Variants in PGP observed in about 807,000 individuals in gnomAD.
The protein encoded by PGP is phosphoglycolate phosphatase.
In PGP, 9 loss-of-function variants were observed where a neutral mutation model predicts 19.3. The ratio of observed to expected loss-of-function variants is 0.47; its 90% CI spans 0.28 to 0.81. The LOEUF (loss-of-function observed/expected upper bound fraction) is 0.81, where lower values mean the gene tolerates loss of function less well. PGP is among the 40% of genes least tolerant of loss of function. The pLI is 0.11. For synonymous variants in PGP, 308 were observed against 226.8 expected, an observed-to-expected ratio of 1.36 and a Z score of -3.22; for missense variants, 403 against 479.9, an observed-to-expected ratio of 0.84 and a Z score of 1.50.
Position 2,213,164 on chromosome 16 carries a change from G to A in PGP, c.*564C>T, listed in dbSNP as rs568731069. On this transcript the variant is annotated 3_prime_UTR_variant, in exon 2 of 2. Transcript: ENST00000333503. The stretch of plus-strand genomic sequence containing the variant: ...GAAGTAAGGGAGGTGGGAGAGTGGT[G>A]AGGGCAGCACTTTGCACCCAAGGGC... 23 of 985,512 alleles carry A rather than the reference G, an allele frequency of 2.3e-5. No individual in the cohort carries two copies. The South Asian group carries it at 8.9e-4, about 38-fold the overall frequency. 61.0% of individuals were successfully genotyped at this position (985,512 alleles called of 1,614,324 possible). A position where few individuals can be genotyped will look rare whatever the true frequency, so the allele number is the denominator to read the frequency against.
Position 2,214,670 on chromosome 16 carries a change from G to A in PGP, c.108C>T (p.Asp36=), listed in dbSNP as rs1454248973. Residue 36 remains aspartate, a synonymous_variant, in exon 1 of 2, where the codon GAC becomes GAT. Coordinates refer to ENST00000333503, the MANE Select transcript of PGP (RefSeq NM_001042371.3). This position sits in a 1 kb window ranked among gnomAD's most constrained non-coding sequence, Gnocchi z 7.1. ...CGGTCTCCCCGCGCCACAGCACGCC[G>A]TCGCAGTCGAACAGCAGCGTGTCCA... ...ADVDTLLFDC[D]GVLWRGETAV... is the part of the protein sequence containing the mutation. 1.8e-5 allele frequency: 26 copies of A among 1,439,820 alleles called. No individual in the cohort carries two copies. The highest frequency in any genetic ancestry group is 2.2e-5 in the Non-Finnish European group (24 of 1,097,514). 89.2% of individuals were successfully genotyped at this position (1,439,820 alleles called of 1,614,324 possible). A position where few individuals can be genotyped will look rare whatever the true frequency, so the allele number is the denominator to read the frequency against.
rs2093383162 is a variant in PGP, at chr16:2,214,545, G to A, written c.233C>T (p.Ala78Val). The A allele has an allele frequency of 6.9e-7, 1 of 1,458,614 alleles. No homozygotes were observed. Among genetic ancestry groups the A allele is most frequent in the Non-Finnish European group, 9.0e-7 (1 of 1,108,388 alleles). 90.4% of individuals were successfully genotyped at this position (1,458,614 alleles called of 1,614,324 possible). Residue 78 changes from alanine (A) to valine (V), a missense_variant, in exon 1 of 2, where the codon GCC (alanine) becomes GTC (valine). Transcript: ENST00000333503. This position sits in a 1 kb window ranked among gnomAD's most constrained non-coding sequence, Gnocchi z 7.1. ...NNSSKTRAAYAEKLRRLGFGG... is the reference protein window; with the variant it reads ...NNSSKTRAAYVEKLRRLGFGG... ...GAAGCCCAGGCGCCGCAGCTTCTCGGCGTAGGCAGCGCGGGTCTTGCTGCT... is the reference window on the plus strand; with the variant it reads ...GAAGCCCAGGCGCCGCAGCTTCTCGACGTAGGCAGCGCGGGTCTTGCTGCT...
chr16:2,213,203 C>G lies in PGP; in HGVS notation c.*525G>C, dbSNP rs1213037660. 1 of 985,546 alleles carries G rather than the reference C, an allele frequency of 1.0e-6. No individual in the cohort carries two copies. Among genetic ancestry groups the G allele is most frequent in the Non-Finnish European group, 1.2e-6 (1 of 830,048 alleles). The allele number at this position is 985,546 out of a possible 1,614,324, so 61.1% of individuals were successfully genotyped here. The stretch of plus-strand genomic sequence containing the variant: ...GCACCCAAGGGCAGGGAGATGCCAC[C>G]TGGGAGCAGCCGCCTCCTCCACTCC... On this transcript the variant is annotated 3_prime_UTR_variant, in exon 2 of 2. Transcript: ENST00000333503.
rs2093377083 is a variant in PGP at position 2,212,193 on chromosome 16, T to C, written c.*1535A>G. The C allele has an allele frequency of 1.0e-6, 1 of 985,768 alleles. No homozygotes were observed. The highest frequency in any genetic ancestry group is 4.7e-5 in the South Asian group (1 of 21,298). 61.1% of individuals were successfully genotyped at this position (985,768 alleles called of 1,614,324 possible). A position where few individuals can be genotyped will look rare whatever the true frequency, so the allele number is the denominator to read the frequency against. The stretch of plus-strand genomic sequence containing the variant: ...TTGAGCCAACTTAGCCAAGCCAGCG[T>C]CAGTGTCACCAGCCTCATGGGTGGA... On this transcript the variant is annotated 3_prime_UTR_variant, in exon 2 of 2. Coordinates refer to ENST00000333503, the MANE Select transcript of PGP (RefSeq NM_001042371.3).
chr16:2,213,428 C>T lies in PGP; in HGVS notation c.*300G>A. ...GACCCGCCTCAGTCCCATCGGCAGGCCCTGGTTACCTGAATCCCGGACAGG... is the reference window on the plus strand; with the variant it reads ...GACCCGCCTCAGTCCCATCGGCAGGTCCTGGTTACCTGAATCCCGGACAGG... On this transcript the variant is annotated 3_prime_UTR_variant, in exon 2 of 2. Coordinates refer to ENST00000333503, the MANE Select transcript of PGP (RefSeq NM_001042371.3). 2 of 944,768 alleles carry T rather than the reference C, an allele frequency of 2.1e-6. No individual in the cohort carries two copies. The highest frequency in any genetic ancestry group is 1.2e-4 in the East Asian group (2 of 17,294). 58.5% of individuals were successfully genotyped at this position (944,768 alleles called of 1,614,324 possible).
rs1180199958 is a variant in PGP at position 2,214,782 on chromosome 16, G to T, written c.-5C>A. On this transcript the variant is annotated 5_prime_UTR_variant, in exon 1 of 2. Transcript: ENST00000333503. This position sits in a 1 kb window ranked among gnomAD's most constrained non-coding sequence, Gnocchi z 7.1. ...ACCGGCCTCCGCCGCCGCCATCGCCGCCCGCCGGCCGCCGCCGCCCGCCGG... is the reference window on the plus strand; with the variant it reads ...ACCGGCCTCCGCCGCCGCCATCGCCTCCCGCCGGCCGCCGCCGCCCGCCGG... The T allele has an allele frequency of 3.1e-6, 3 of 966,412 alleles. No individual in the cohort carries two copies. The highest frequency in any genetic ancestry group is 9.8e-5 in the East Asian group (1 of 10,202). 59.9% of individuals were successfully genotyped at this position (966,412 alleles called of 1,614,324 possible).
rs1424593644 is a variant in PGP, at chr16:2,214,330, C to T, written c.448G>A (p.Gly150Ser). 6.5e-7 allele frequency: 1 copy of T among 1,534,326 alleles called. No homozygotes were observed. The highest frequency in any genetic ancestry group is 1.4e-5 in the African/African-American group (1 of 72,824). The change falls in exon 1 of 2, where the codon GGC becomes AGC. Residue 150 changes from glycine to serine, a missense_variant. Coordinates refer to ENST00000333503, the MANE Select transcript of PGP (RefSeq NM_001042371.3). The surrounding 1 kb of genome is among the most constrained non-coding windows in gnomAD (Gnocchi z 7.1). ...SVGVGPEPLQGEGPGDWLHAP... is the reference protein window; with the variant it reads ...SVGVGPEPLQSEGPGDWLHAP... Reference sequence around the variant, plus strand: ...TGCAGCCAGTCGCCGGGACCCTCGCCCTGCAGTGGCTCGGGCCCCACGCCC... The same window carrying T: ...TGCAGCCAGTCGCCGGGACCCTCGCTCTGCAGTGGCTCGGGCCCCACGCCC...
chr16:2,213,010 T>C lies in PGP; in HGVS notation c.*718A>G. 1 of 985,536 alleles carries C rather than the reference T, an allele frequency of 1.0e-6. No individual in the cohort carries two copies. The highest frequency in any genetic ancestry group is 4.7e-5 in the South Asian group (1 of 21,294). The allele number at this position is 985,536 out of a possible 1,614,324, so 61.0% of individuals were successfully genotyped here. On this transcript the variant is annotated 3_prime_UTR_variant, in exon 2 of 2. Coordinates refer to ENST00000333503, the MANE Select transcript of PGP (RefSeq NM_001042371.3). ...CGCCATGGTAGCTGCTCCGTCCAAA[T>C]CACCTGGGTATAAATGCACACTTGA...
rs2093380197 is a variant in PGP at position 2,213,366 on chromosome 16, A to G, written c.*362T>C. On this transcript the variant is annotated 3_prime_UTR_variant, in exon 2 of 2. Coordinates refer to ENST00000333503, the MANE Select transcript of PGP (RefSeq NM_001042371.3). ...GCCCCCTGAGGGGCTGGATCCCTGA[A>G]TGAGTTTTTCAATAAAATACAGGAC... 2.2e-5 allele frequency: 22 copies of G among 1,000,536 alleles called. No homozygotes were observed. Among genetic ancestry groups the G allele is most frequent in the Non-Finnish European group, 2.5e-5 (21 of 839,904 alleles). The allele number at this position is 1,000,536 out of a possible 1,614,324, so 62.0% of individuals were successfully genotyped here. A position where few individuals can be genotyped will look rare whatever the true frequency, so the allele number is the denominator to read the frequency against.
chr16:2,214,809 C>G lies in PGP; in HGVS notation c.-32G>C, dbSNP rs961130263. On this transcript the variant is annotated 5_prime_UTR_variant, in exon 1 of 2. Transcript: ENST00000333503. This position sits in a 1 kb window ranked among gnomAD's most constrained non-coding sequence, Gnocchi z 7.1. ...CCGCCGGCCGCCGCCGCCCGCCGGCCGCTCCTCGCAGCCGCCCGCCGCGGC... is the reference window on the plus strand; with the variant it reads ...CCGCCGGCCGCCGCCGCCCGCCGGCGGCTCCTCGCAGCCGCCCGCCGCGGC... The G allele has an allele frequency of 1.2e-6, 1 of 822,204 alleles. No homozygotes were observed. Among genetic ancestry groups the G allele is most frequent in the African/African-American group, 1.9e-5 (1 of 53,604 alleles). 50.9% of individuals were successfully genotyped at this position (822,204 alleles called of 1,614,324 possible). A position where few individuals can be genotyped will look rare whatever the true frequency, so the allele number is the denominator to read the frequency against.
At position 2,214,490 on chromosome 16, in the gene PGP, C is replaced by A; in HGVS notation, c.288G>T (p.Leu96=). 1.4e-6 allele frequency: 2 copies of A among 1,405,636 alleles called. No individual in the cohort carries two copies. The highest frequency in any genetic ancestry group is 1.8e-6 in the Non-Finnish European group (2 of 1,085,264). 87.1% of individuals were successfully genotyped at this position (1,405,636 alleles called of 1,614,324 possible). A position where few individuals can be genotyped will look rare whatever the true frequency, so the allele number is the denominator to read the frequency against. Residue 96 remains leucine (L), a synonymous_variant, in exon 1 of 2, where the codon CTG becomes CTT. Transcript: ENST00000333503. The surrounding 1 kb of genome is among the most constrained non-coding windows in gnomAD (Gnocchi z 7.1). ...TGCAGTAGGCCGTGCCGAAGACCTCCAGGCTGGCGCCGGGCCCCGCGGGGC... is the reference window on the plus strand; with the variant it reads ...TGCAGTAGGCCGTGCCGAAGACCTCAAGGCTGGCGCCGGGCCCCGCGGGGC... The part of the protein sequence containing the change: ...FGGPAGPGAS[L]EVFGTAYCTA...
rs1183359975 is a variant in PGP, at chr16:2,213,195, G to A, written c.*533C>T. On this transcript the variant is annotated 3_prime_UTR_variant, in exon 2 of 2. Coordinates refer to ENST00000333503, the MANE Select transcript of PGP (RefSeq NM_001042371.3). ...AGCACTTTGCACCCAAGGGCAGGGA[G>A]ATGCCACCTGGGAGCAGCCGCCTCC... The A allele has an allele frequency of 5.1e-6, 5 of 985,538 alleles. No homozygotes were observed. Among genetic ancestry groups the A allele is most frequent in the East Asian group, 2.3e-4 (2 of 8,836 alleles). 61.0% of individuals were successfully genotyped at this position (985,538 alleles called of 1,614,324 possible).
chr16:2,212,098 A>G lies in PGP; in HGVS notation c.*1630T>C, dbSNP rs919207557. 1.0e-6 allele frequency: 1 copy of G among 985,560 alleles called. No homozygotes were observed. Among genetic ancestry groups the G allele is most frequent in the South Asian group, 4.7e-5 (1 of 21,292 alleles). 61.1% of individuals were successfully genotyped at this position (985,560 alleles called of 1,614,324 possible). On this transcript the variant is annotated 3_prime_UTR_variant, in exon 2 of 2. Transcript: ENST00000333503. The stretch of plus-strand genomic sequence containing the variant: ...GGACTCCCAGCCCCTACCCGGCAAG[A>G]GAGGCATCACTGAGGCTGCATCTGC...
rs1340973784 is a variant in PGP, at chr16:2,214,516, C to T, written c.262G>A (p.Gly88Ser). ...AGGCTGGCGCCGGGCCCCGCGGGGC[C>T]GCCGAAGCCCAGGCGCCGCAGCTTC... ...AEKLRRLGFG[G>S]PAGPGASLEV... The change falls in exon 1 of 2, where the codon GGC becomes AGC. Residue 88 changes from glycine to serine, a missense_variant. Physicochemically the swap from Gly to Ser is moderately conservative, Grantham distance 56 (BLOSUM62 0). Transcript: ENST00000333503. The surrounding 1 kb of genome is among the most constrained non-coding windows in gnomAD (Gnocchi z 7.1). 2.8e-6 allele frequency: 4 copies of T among 1,432,316 alleles called. No homozygotes were observed. Among genetic ancestry groups the T allele is most frequent in the East Asian group, 3.0e-5 (1 of 32,914 alleles). The allele number at this position is 1,432,316 out of a possible 1,614,324, so 88.7% of individuals were successfully genotyped here.
chr16:2,211,741 C>T lies in PGP; in HGVS notation c.*1987G>A. ...GCCAGCATTACTTCTGAGCTCTGCT[C>T]CCTGCCCTGGGCGCTCTGACACGGC... is the stretch of plus-strand genomic sequence containing the variant. On this transcript the variant is annotated 3_prime_UTR_variant, in exon 2 of 2. Coordinates refer to ENST00000333503, the MANE Select transcript of PGP (RefSeq NM_001042371.3). 1 of 985,512 alleles carries T rather than the reference C, an allele frequency of 1.0e-6. No individual in the cohort carries two copies. The highest frequency in any genetic ancestry group is 1.2e-6 in the Non-Finnish European group (1 of 829,994). 61.0% of individuals were successfully genotyped at this position (985,512 alleles called of 1,614,324 possible).
Position 2,212,612 on chromosome 16 carries a change from G to C in PGP, c.*1116C>G, listed in dbSNP as rs1403631053. ...AGTCTCTAACCCCTACCCCAGCCTA[G>C]GGAAGGGGAGGACAGGAAGAGACTG... On this transcript the variant is annotated 3_prime_UTR_variant, in exon 2 of 2. Transcript: ENST00000333503. The C allele has an allele frequency of 2.0e-6, 2 of 985,378 alleles. No individual in the cohort carries two copies. The highest frequency in any genetic ancestry group is 2.4e-6 in the Non-Finnish European group (2 of 829,952). The allele number at this position is 985,378 out of a possible 1,614,324, so 61.0% of individuals were successfully genotyped here. A position where few individuals can be genotyped will look rare whatever the true frequency, so the allele number is the denominator to read the frequency against.
chr16:2,211,787 G>A lies in PGP; in HGVS notation c.*1941C>T, dbSNP rs1413814897. The A allele has an allele frequency of 2.0e-6, 2 of 985,480 alleles. No homozygotes were observed. The highest frequency in any genetic ancestry group is 1.1e-4 in the East Asian group (1 of 8,828). The allele number at this position is 985,480 out of a possible 1,614,324, so 61.0% of individuals were successfully genotyped here. On this transcript the variant is annotated 3_prime_UTR_variant, in exon 2 of 2. Coordinates refer to ENST00000333503, the MANE Select transcript of PGP (RefSeq NM_001042371.3). Reference sequence around the variant, plus strand: ...ACGGCAGCCCACCAGCTTCACTCCAGGGCCCTTTGCTTCCCTGGCTTCCCT... The same window carrying A: ...ACGGCAGCCCACCAGCTTCACTCCAAGGCCCTTTGCTTCCCTGGCTTCCCT...
chr16:2,211,830 TCA>T lies in PGP; in HGVS notation c.*1896_*1897del. ...GCTTCCCTTTGTGCCTGGCTTTCCC[TCA>T]TTCTTCAAAACATCTTCCTCTGAAC... On this transcript the variant is annotated 3_prime_UTR_variant, in exon 2 of 2. Coordinates refer to ENST00000333503, the MANE Select transcript of PGP (RefSeq NM_001042371.3). 1 of 985,590 alleles carries T rather than the reference TCA, an allele frequency of 1.0e-6. No individual in the cohort carries two copies. The highest frequency in any genetic ancestry group is 1.2e-6 in the Non-Finnish European group (1 of 830,014). 61.1% of individuals were successfully genotyped at this position (985,590 alleles called of 1,614,324 possible). A position where few individuals can be genotyped will look rare whatever the true frequency, so the allele number is the denominator to read the frequency against.
Position 2,212,187 on chromosome 16 carries a change from C to T in PGP, c.*1541G>A. 5 of 985,760 alleles carry T rather than the reference C, an allele frequency of 5.1e-6. No individual in the cohort carries two copies. The highest frequency in any genetic ancestry group is 6.0e-6 in the Non-Finnish European group (5 of 829,996). The allele number at this position is 985,760 out of a possible 1,614,324, so 61.1% of individuals were successfully genotyped here. On this transcript the variant is annotated 3_prime_UTR_variant, in exon 2 of 2. Coordinates refer to ENST00000333503, the MANE Select transcript of PGP (RefSeq NM_001042371.3). ...CCCGGCTTGAGCCAACTTAGCCAAG[C>T]CAGCGTCAGTGTCACCAGCCTCATG...
Sources: allele counts gnomAD v4.1 joint callset, GRCh38; gene constraint gnomAD v4.1.1; non-coding constraint Gnocchi (gnomAD v3.1); transcripts MANE v1.5; gene names NCBI Gene and HGNC (gene_info 2026-07-23, HGNC 2026-07-21).